The following MPRIP variants were observed in gnomAD, a reference collection of about 807,000 sequenced individuals.
The protein encoded by MPRIP is myosin phosphatase Rho interacting protein.
A neutral mutation model predicts 234.9 loss-of-function variants in MPRIP; 59 were observed. That is an observed-to-expected ratio of 0.25 (90% CI 0.20 to 0.31). MPRIP has a LOEUF of 0.31. Among genes scored for constraint, MPRIP ranks in the 10% least tolerant of loss-of-function variants. MPRIP has a pLI of 1.00. For synonymous variants in MPRIP, 1,144 were observed against 1,263.9 expected (o/e 0.91, Z 2.01); for missense variants, 2,436 against 3,071.0 (o/e 0.79, Z 4.89).
rs1491155263 is a variant in MPRIP at position 17,192,426 on chromosome 17, TTG to T, written c.*7533_*7534del. ...GACCAGCTGAGCTGCTGCTTTTTTT[TTG>T]GGGGGGGGGGGGGGAGGGGCGTCTT... On this transcript the variant is annotated 3_prime_UTR_variant, in exon 24 of 24. Transcript: ENST00000651222. 6.4e-3 allele frequency: 19 copies of T among 2,946 alleles called. No individual in the cohort carries two copies. The highest frequency in any genetic ancestry group is 0.017 in the African/African-American group (18 of 1,056). The allele number at this position is 2,946 out of a possible 1,614,324, so 0.2% of individuals were successfully genotyped here.
chr17:17,135,471 T>TTG (rs1241297188), intron 5 of MPRIP, among the ~76,000 whole-genome samples: 3 of 152,168 alleles, frequency 2.0e-5, no homozygotes, highest in Non-Finnish European at 4.4e-5. Flanking sequence ...TTTGGTGTCT[T>TTG]TGTGTGTTCT....
chr17:17,049,553 C>CT (rs904628632), intron 1 of MPRIP, among the ~76,000 whole-genome samples: 3 of 152,138 alleles, frequency 2.0e-5, no homozygotes, highest in African/African-American at 7.2e-5. Flanking sequence ...TTCTTTTATC[C>CT]TGGGGAACTC....
chr17:17,161,416 C>T lies in MPRIP; in HGVS notation c.2517+60C>T, dbSNP rs953970116. 11 of 1,250,634 alleles carry T rather than the reference C, an allele frequency of 8.8e-6. No individual in the cohort carries two copies. The African/African-American group carries it at 1.6e-4, about 19-fold the overall frequency. The allele number at this position is 1,250,634 out of a possible 1,614,324, so 77.5% of individuals were successfully genotyped here. On this transcript the variant is annotated intron_variant, in intron 15 of 23. Coordinates refer to ENST00000651222, the MANE Select transcript of MPRIP (RefSeq NM_001364716.4). ...CTCAGGAGCTTCAGTGTGAAGGGTT[C>T]ATGCTCAGGCAGGCTAGGAGTGTGC...
chr17:17,129,231 C>T (rs2090550614), intron 4 of MPRIP, among the ~76,000 whole-genome samples: 1 of 152,104 alleles, frequency 6.6e-6, no homozygotes, highest in African/African-American at 2.4e-5. Context: ...CTCTTCTGTG[C>T]TCTCAGCTGG....
Position 17,185,025 on chromosome 17 carries a change from G to A in MPRIP, c.*131G>A, listed in dbSNP as rs552166183. 7.6e-5 allele frequency: 47 copies of A among 618,660 alleles called. No individual in the cohort carries two copies. The highest frequency in any genetic ancestry group is 2.1e-4 in the South Asian group (12 of 56,848). 38.3% of individuals were successfully genotyped at this position (618,660 alleles called of 1,614,324 possible). On this transcript the variant is annotated 3_prime_UTR_variant, in exon 24 of 24. Coordinates refer to ENST00000651222, the MANE Select transcript of MPRIP (RefSeq NM_001364716.4). ...CTGTTGTTGTCATCGTTAACTGTGG[G>A]CATGGAATGCGTGAGGCTGGCTTCT...
At chr17:17,125,691 A>G (rs557474602) in intron 3 of MPRIP, among the ~76,000 whole-genome samples, 12 of 152,358 alleles carry the variant, frequency 7.9e-5, no homozygotes, top group African/African-American at 2.6e-4. Context: ...CCAAGCCCCC[A>G]TTGACTGTCA....
rs567772112 is a variant in MPRIP, at chr17:17,113,762, A to G, written c.268-12940A>G. 2.0e-5 allele frequency among the ~76,000 whole-genome samples: 3 copies of G among 152,168 alleles called. No individual in the cohort carries two copies. The South Asian group carries it at 6.2e-4, about 32-fold the overall frequency. ...TCCAGAGTGGCTGCACCACGGTTCC[A>G]GTTACTCCATGACCTCACCAACACT... On this transcript the variant is annotated intron_variant, in intron 3 of 23. Coordinates refer to ENST00000651222, the MANE Select transcript of MPRIP (RefSeq NM_001364716.4).
At chr17:17,105,905 A>G (rs1367199813) in intron 3 of MPRIP, among the ~76,000 whole-genome samples, 4 of 152,244 alleles carry the variant, frequency 2.6e-5, no homozygotes, top group Admixed American at 2.6e-4. Context: ...CATATAGGAC[A>G]TCTGCCACTC....
At chr17:17,154,477 G>A (rs1232136072) in intron 13 of MPRIP, 62 bp downstream of exon 13, 2 of 1,428,370 alleles carry the variant, frequency 1.4e-6, no homozygotes, top group Non-Finnish European at 2.0e-6. Context: ...TCCCGCCAGG[G>A]CAGTGTCAGA....
rs201185575 is a variant in MPRIP, at chr17:17,114,937, TA to T, written c.268-11756del. ...GTCCTTGTTTTCTTATTTTCTCCGT[TA>T]AAAAAAAAGTAGTTTAGTGGTTCTA... is the stretch of plus-strand genomic sequence containing the variant. On this transcript the variant is annotated intron_variant, in intron 3 of 23. Coordinates refer to ENST00000651222, the MANE Select transcript of MPRIP (RefSeq NM_001364716.4). Among the ~76,000 whole-genome samples, 125 of 151,540 alleles carry T rather than the reference TA, an allele frequency of 8.2e-4. 2 individuals are homozygous for T. In the East Asian group the frequency reaches 0.017, roughly 20 times the overall value.
chr17:17,117,612 A>G (rs2090311476), intron 3 of MPRIP, among the ~76,000 whole-genome samples: 4 of 152,196 alleles, frequency 2.6e-5, no homozygotes, highest in Admixed American at 2.6e-4. Flanking sequence ...CCATTTGTCC[A>G]CTGATGGACA....
At position 17,140,151 on chromosome 17, in the gene MPRIP, C is replaced by T. The variant is rs112123688; in HGVS notation, c.1250+1722C>T. Among the ~76,000 whole-genome samples, 1,296 of 152,300 alleles carry T rather than the reference C, an allele frequency of 8.5e-3. 14 individuals carry two copies. Among genetic ancestry groups the T allele is most frequent in the African/African-American group, 0.029 (1,224 of 41,554 alleles). Reference sequence around the variant, plus strand: ...GTGGGTGGGCAGGGGAGGCTTCATGCTGGCTGGCAAGCAGGCTGTGTGTCG... The same window carrying T: ...GTGGGTGGGCAGGGGAGGCTTCATGTTGGCTGGCAAGCAGGCTGTGTGTCG... On this transcript the variant is annotated intron_variant, in intron 7 of 23. Coordinates refer to ENST00000651222, the MANE Select transcript of MPRIP (RefSeq NM_001364716.4).
chr17:17,161,469 C>T lies in MPRIP; in HGVS notation c.2517+113C>T, dbSNP rs951696880. On this transcript the variant is annotated intron_variant, in intron 15 of 23. Transcript: ENST00000651222. Reference sequence around the variant, plus strand: ...AACTTGGCTGAGCAGGGGTGTCTCCCAGGAGCTCATGCCCCTGGGCTTTTC... The same window carrying T: ...AACTTGGCTGAGCAGGGGTGTCTCCTAGGAGCTCATGCCCCTGGGCTTTTC... The T allele has an allele frequency of 1.3e-5, 8 of 616,562 alleles. No homozygotes were observed. The African/African-American group carries it at 1.3e-4, about 10-fold the overall frequency. The allele number at this position is 616,562 out of a possible 1,614,324, so 38.2% of individuals were successfully genotyped here.
chr17:17,182,058 A>T (rs1329410506), intron 23 of MPRIP: 5 of 152,176 alleles, frequency 3.3e-5, no homozygotes, highest in Admixed American at 3.3e-4. Flanking sequence ...GACTTCCTAG[A>T]TGTCTGTGGT....
chr17:17,169,269 C>T (rs2046077954), intron 16 of MPRIP, among the ~76,000 whole-genome samples: 1 of 152,138 alleles, frequency 6.6e-6, no homozygotes, highest in Non-Finnish European at 1.5e-5. Flanking sequence ...TGCTTTGACC[C>T]CAAATACGCT....
intron 1 of MPRIP, among the ~76,000 whole-genome samples, chr17:17,055,449 C>G (rs980004735): frequency 6.6e-6 from 1 of 152,098 alleles, no homozygotes; most frequent in African/African-American, 2.4e-5. Context: ...TTTCGTGGCC[C>G]CCTGGTCACC....
In MPRIP at chr17:17,167,084, C is replaced by T. The variant is rs181669835; in HGVS notation, c.5493C>T (p.Leu1831=). The T allele has an allele frequency of 5.0e-5, 65 of 1,304,230 alleles. No individual in the cohort carries two copies. In the African/African-American group the frequency reaches 7.6e-4, roughly 15 times the overall value. The allele number at this position is 1,304,230 out of a possible 1,614,324, so 80.8% of individuals were successfully genotyped here. A position where few individuals can be genotyped will look rare whatever the true frequency, so the allele number is the denominator to read the frequency against. The stretch of plus-strand genomic sequence containing the variant: ...CGTATAACACTTGTTTGGGAGGCCT[C>T]GGTCAGTATTCTTCATTGTTGGTTC... ...SLSYNTCLGG[L]GQYSSLLVQD... The change falls in exon 16 of 24, where the codon CTC becomes CTT. Residue 1831 remains leucine, a synonymous_variant. Coordinates refer to ENST00000651222, the MANE Select transcript of MPRIP (RefSeq NM_001364716.4). The surrounding 1 kb of genome is among the most constrained non-coding windows in gnomAD (Gnocchi z 5.9).
intron 3 of MPRIP, among the ~76,000 whole-genome samples, chr17:17,110,365 C>T (rs1020162491): frequency 6.6e-6 from 1 of 152,152 alleles, no homozygotes; most frequent in Non-Finnish European, 1.5e-5. Context: ...CGGCACAAAA[C>T]AGACTAAGAC....
At chr17:17,097,597 T>G (rs1358978888) in intron 3 of MPRIP, among the ~76,000 whole-genome samples, 1 of 152,262 alleles carries the variant, frequency 6.6e-6, no homozygotes, top group Non-Finnish European at 1.5e-5. Context: ...ATTTGATTCC[T>G]TTATTCTGTA....
Sources: allele counts gnomAD v4.1 joint callset (sites outside exome capture counted in the v4.1 genomes callset), GRCh38; gene constraint gnomAD v4.1.1; non-coding constraint Gnocchi (gnomAD v3.1); transcripts MANE v1.5; gene names NCBI Gene and HGNC (gene_info 2026-07-23, HGNC 2026-07-21).